Variants in GART observed in about 807,000 individuals in gnomAD.
GART encodes the protein trifunctional purine biosynthetic protein adenosine-3.
Under a neutral mutation model 107.2 loss-of-function variants are expected in GART, and 43 were observed. The ratio of observed to expected loss-of-function variants is 0.40; its 90% confidence interval spans 0.31 to 0.52. The LOEUF (loss-of-function observed/expected upper bound fraction) is 0.52. Ranked by LOEUF, GART falls within the 20% of genes least tolerant of loss-of-function variation. The pLI, the probability that GART is intolerant of heterozygous loss-of-function variation, is 0.52. For missense variants in GART, 1,107 were observed against 1,206.5 expected (o/e 0.92, Z 1.22); for synonymous variants, 434 against 427.0 (o/e 1.02, Z -0.20).
intron 14 of GART, 141 bp from the exon 15 acceptor site, chr21:33,517,749 G>A: frequency 1.2e-6 from 1 of 852,906 alleles, no homozygotes; most frequent in Non-Finnish European, 1.8e-6. Flanking sequence ...TCTACCAGCT[G>A]TCTAACAGAA....
Position 33,528,946 on chromosome 21 carries a change from C to T in GART, c.724-9G>A, listed in dbSNP as rs763288903. ...AATAGATCATTAGAAACCTGGAGAA[C>T]GTGCAGAAACAGTTAAATGTAACAG... On this transcript the variant is annotated splice_polypyrimidine_tract_variant and intron_variant, in intron 7 of 21. Transcript: ENST00000381815. 111 of 1,575,392 alleles carry T rather than the reference C, an allele frequency of 7.0e-5. No individual in the cohort carries two copies. The highest frequency in any genetic ancestry group is 9.3e-5 in the Non-Finnish European group (106 of 1,145,356).
rs933211186 is a variant in GART, at chr21:33,539,518, A to G, written c.-41-162T>C. ...GACCAGCCTTGGCCAACATGGCAAAACCTCATCTCTACTAAAATACAAAAA... is the reference window on the plus strand; with the variant it reads ...GACCAGCCTTGGCCAACATGGCAAAGCCTCATCTCTACTAAAATACAAAAA... On this transcript the variant is annotated intron_variant, in intron 1 of 21. Coordinates refer to ENST00000381815, the MANE Select transcript of GART (RefSeq NM_000819.5). Among the ~76,000 whole-genome samples, 36 of 151,932 alleles carry G rather than the reference A, an allele frequency of 2.4e-4. 1 individual carries two copies.
Position 33,539,890 on chromosome 21 carries a change from C to T in GART, c.-41-534G>A, listed in dbSNP as rs116664352. Among the ~76,000 whole-genome samples the T allele has an allele frequency of 3.5e-3, 537 of 152,202 alleles. 3 individuals carry two copies. The highest frequency in any genetic ancestry group is 0.012 in the African/African-American group (513 of 41,502). On this transcript the variant is annotated intron_variant, in intron 1 of 21. Transcript: ENST00000381815. ...TAGAGAGCTAGGTTAAGGAGTCAAA[C>T]GATGACTCTCAGCTCCTTATGTGAT...
At chr21:33,531,599 G>A in intron 5 of GART, 42 bp from the exon 6 acceptor site, 1 of 1,522,718 alleles carries the variant, frequency 6.6e-7, no homozygotes, top group Non-Finnish European at 8.9e-7. Context: ...TAAAAAAAGA[G>A]GCTTGGTAAG....
intron 16 of GART, 123 bp downstream of exon 16, chr21:33,516,865 AC>A: frequency 1.2e-6 from 1 of 805,274 alleles, no homozygotes; most frequent in Non-Finnish European, 1.9e-6. Flanking sequence ...CCCTCCCAAA[AC>A]CCCCAATGAT....
chr21:33,509,953 G>C (rs966490718), intron 17 of GART, 33 bp from the exon 18 acceptor site: 12 of 1,565,108 alleles, frequency 7.7e-6, no homozygotes, highest in Admixed American at 7.4e-5. Flanking sequence ...AATAAGTAAA[G>C]AACAATTGTG....
intron 8 of GART, 77 bp downstream of exon 8, chr21:33,528,773 G>T: frequency 2.0e-6 from 2 of 1,014,518 alleles, no homozygotes; most frequent in Non-Finnish European, 2.9e-6. Context: ...AAAAAAAAAA[G>T]GGAATGGAAA....
chr21:33,511,022 G>A lies in GART; in HGVS notation c.2314+230C>T, dbSNP rs561716474. On this transcript the variant is annotated intron_variant, in intron 17 of 21. Coordinates refer to ENST00000381815, the MANE Select transcript of GART (RefSeq NM_000819.5). ...GTGTAGGGAGATTACTTTGGGAAGC[G>A]ATCCTGTGGGGTGTGGCTGTGCATG... 7.9e-5 allele frequency among the ~76,000 whole-genome samples: 12 copies of A among 152,242 alleles called. No homozygotes were observed. The South Asian group carries it at 2.3e-3, about 29-fold the overall frequency.
intron 2 of GART, among the ~76,000 whole-genome samples, chr21:33,537,288 T>C (rs1359278271): frequency 6.6e-6 from 1 of 152,110 alleles, no homozygotes; most frequent in East Asian, 1.9e-4. Flanking sequence ...GAAAAGGAGG[T>C]ATTTGCTAAT....
At chr21:33,540,756 C>T (rs1256635341) in intron 1 of GART, among the ~76,000 whole-genome samples, 2 of 152,184 alleles carry the variant, frequency 1.3e-5, no homozygotes, top group African/African-American at 4.8e-5. Flanking sequence ...GTTGGGATTA[C>T]ATATTTTAAG....
At chr21:33,524,659 C>T in intron 11 of GART, 110 bp downstream of exon 11, 6 of 1,511,796 alleles carry the variant, frequency 4.0e-6, no homozygotes, top group Non-Finnish European at 5.3e-6. Flanking sequence ...GTATCACTCC[C>T]ACAGAGAGAA....
intron 14 of GART, among the ~76,000 whole-genome samples, chr21:33,518,306 T>C (rs1202844314): frequency 6.6e-6 from 1 of 152,128 alleles, no homozygotes; most frequent in African/African-American, 2.4e-5. Flanking sequence ...GGCGAAACTC[T>C]GTCTCTACTA....
chr21:33,522,974 G>A (rs2085000114), intron 11 of GART, among the ~76,000 whole-genome samples: 1 of 152,170 alleles, frequency 6.6e-6, no homozygotes, highest in Non-Finnish European at 1.5e-5. Flanking sequence ...CTTAATTTCA[G>A]TAATATATAA....
In GART at chr21:33,532,337, C is replaced by T. The variant is rs2145748490; in HGVS notation, c.528+8G>A. 6.2e-7 allele frequency: 1 copy of T among 1,602,304 alleles called. No homozygotes were observed. Among genetic ancestry groups the T allele is most frequent in the Non-Finnish European group, 8.5e-7 (1 of 1,170,298 alleles). ...GAAAAGTAAATTTTTTCAGAAGACC[C>T]AGCCTACCTGCATGATCTCTTGTAC... On this transcript the variant is annotated splice_region_variant and intron_variant, in intron 5 of 21. Coordinates refer to ENST00000381815, the MANE Select transcript of GART (RefSeq NM_000819.5).
intron 16 of GART, 110 bp from the exon 17 acceptor site, chr21:33,511,568 T>C: frequency 8.7e-7 from 1 of 1,146,308 alleles, no homozygotes; most frequent in African/African-American, 1.5e-5. Context: ...TGCTATTTTA[T>C]GTAGGGTAAA....
rs577260423 is a variant in GART, at chr21:33,533,431, C to T, written c.417-975G>A. ...CTGCAGTCCGGCCTGGGTGAAAGAA[C>T]GAGACTCAAAAAAAAAAAAATAAAT... is the stretch of plus-strand genomic sequence containing the variant. On this transcript the variant is annotated intron_variant, in intron 4 of 21. Coordinates refer to ENST00000381815, the MANE Select transcript of GART (RefSeq NM_000819.5). Among the ~76,000 whole-genome samples the T allele has an allele frequency of 3.1e-3, 273 of 87,942 alleles. 3 individuals carry two copies. Among genetic ancestry groups the T allele is most frequent in the African/African-American group, 0.012 (254 of 21,300 alleles). The allele number at this position is 87,942 out of a possible 152,430, so 57.7% of individuals were successfully genotyped here.
Position 33,506,121 on chromosome 21 carries a change from A to G in GART, c.2453-17T>C. 6.2e-7 allele frequency: 1 copy of G among 1,609,718 alleles called. No individual in the cohort carries two copies. The highest frequency in any genetic ancestry group is 8.5e-7 in the Non-Finnish European group (1 of 1,178,562). The stretch of plus-strand genomic sequence containing the variant: ...GGTTCGATCCTGAGAAGGGAGAAAA[A>G]CAGCAGTGAGCTCATACTACTACTT... On this transcript the variant is annotated splice_polypyrimidine_tract_variant and intron_variant, in intron 18 of 21. Transcript: ENST00000381815.
At chr21:33,528,637 GAA>G (rs2085121658) in intron 8 of GART, 33 bp from the exon 9 acceptor site, 3 of 1,260,050 alleles carry the variant, frequency 2.4e-6, no homozygotes, top group East Asian at 2.5e-5. Context: ...AAAAAAGAGA[GAA>G]AGAAAATCTA....
intron 2 of GART, among the ~76,000 whole-genome samples, chr21:33,538,241 C>CAAAAA (rs397866694): frequency 2.6e-4 from 23 of 88,340 alleles, no homozygotes; most frequent in East Asian, 1.3e-3. Context: ...GACTCTGTCT[C>CAAAAA]AAAAAAAAAA....
Sources: allele counts gnomAD v4.1 joint callset (sites outside exome capture counted in the v4.1 genomes callset), GRCh38; gene constraint gnomAD v4.1.1; transcripts MANE v1.5; gene names NCBI Gene and HGNC (gene_info 2026-07-23, HGNC 2026-07-21).